GSAP: variants seen among roughly 807,000 people sequenced by gnomAD.
The protein encoded by GSAP is gamma-secretase activating protein.
GSAP carries 118 observed loss-of-function variants against 131.7 expected under a neutral mutation model. The observed-to-expected ratio is 0.90, with a 90% CI of 0.77 to 1.04. GSAP has a LOEUF of 1.04. GSAP is among the 50% of genes least tolerant of loss of function. The pLI, the probability that GSAP is intolerant of heterozygous loss-of-function variation, is 0.00. For missense variants in GSAP, 1,019 were observed against 1,013.2 expected, an observed-to-expected ratio of 1.01 and a Z score of -0.08; for synonymous variants, 381 against 363.4, an observed-to-expected ratio of 1.05 and a Z score of -0.55.
chr7:77,368,600 G>A (rs966498183), intron 12 of GSAP, among the ~76,000 whole-genome samples: 2 of 152,188 alleles, frequency 1.3e-5, no homozygotes, highest in Admixed American at 6.5e-5. Flanking sequence ...TGATTCTAAC[G>A]TGAACCCAGA....
At chr7:77,365,817 C>T (rs1795199338) in intron 12 of GSAP, among the ~76,000 whole-genome samples, 1 of 151,886 alleles carries the variant, frequency 6.6e-6, no homozygotes, top group African/African-American at 2.4e-5. Flanking sequence ...TACTGCTTTC[C>T]ACAATGGTAG....
intron 18 of GSAP, chr7:77,351,192 T>C (rs1339153065): frequency 1.9e-5 from 19 of 983,374 alleles, no homozygotes; most frequent in African/African-American, 5.2e-5. Context: ...TAAGAATCTA[T>C]TGTGTGCTTC....
chr7:77,405,184 G>A (rs1802052442), intron 2 of GSAP, among the ~76,000 whole-genome samples: 1 of 152,182 alleles, frequency 6.6e-6, no homozygotes, highest in Admixed American at 6.5e-5. Context: ...CCTAGCTACT[G>A]GGGAGGTTGA....
chr7:77,366,764 A>G (rs905257982), intron 12 of GSAP, among the ~76,000 whole-genome samples: 5 of 152,136 alleles, frequency 3.3e-5, no homozygotes, highest in African/African-American at 1.2e-4. Context: ...AGTTCTGTGA[A>G]GAATATTGAT....
chr7:77,321,524 C>T (rs1787643620), intron 24 of GSAP, 121 bp from the exon 25 acceptor site: 3 of 690,852 alleles, frequency 4.3e-6, no homozygotes, highest in Admixed American at 2.2e-5. Flanking sequence ...TGCATCCAGA[C>T]ACACAACTAG....
intron 5 of GSAP, among the ~76,000 whole-genome samples, chr7:77,389,994 T>C (rs1799215593): frequency 6.6e-6 from 1 of 152,240 alleles, no homozygotes; most frequent in Admixed American, 6.5e-5. Flanking sequence ...TGTGAGATAG[T>C]ATCTCATTGT....
At chr7:77,339,641 A>G (rs1368625647) in intron 19 of GSAP, among the ~76,000 whole-genome samples, 1 of 149,694 alleles carries the variant, frequency 6.7e-6, no homozygotes. Context: ...GGTAGAGGAG[A>G]AAAACGTGAG....
At chr7:77,316,002 CAGAGGTTGAATGCTGAATGAT>C (rs1442962515) in intron 26 of GSAP, 1 of 152,138 alleles carries the variant, frequency 6.6e-6, no homozygotes, top group Non-Finnish European at 1.5e-5. Context: ...GTGCAGGTGA[CAGAGGTTGAATGCTGAATGAT>C]AGAGATTTAT....
chr7:77,328,500 A>G (rs2150668807), intron 22 of GSAP, 106 bp downstream of exon 22: 2 of 1,505,476 alleles, frequency 1.3e-6, no homozygotes, highest in South Asian at 1.4e-5. Context: ...CCTGCACCAC[A>G]CTACTGGAAG....
At chr7:77,342,256 T>G (rs1791075578) in intron 19 of GSAP, among the ~76,000 whole-genome samples, 1 of 152,194 alleles carries the variant, frequency 6.6e-6, no homozygotes, top group South Asian at 2.1e-4. Context: ...GTCTGCCCCC[T>G]TCTTAATCAA....
Position 77,330,581 on chromosome 7 carries a change from T to C in GSAP, c.1546-214A>G. ...CACTTCATTTTCTGTCTCTTTTTTT[T>C]TTTTTTTTTTTTGTCGTTGTTTTTT... On this transcript the variant is annotated intron_variant, in intron 19 of 30. Coordinates refer to ENST00000257626, the MANE Select transcript of GSAP (RefSeq NM_017439.4). The C allele has an allele frequency of 2.7e-6, 3 of 1,098,486 alleles. No individual in the cohort carries two copies. In the South Asian group the frequency reaches 9.9e-5, roughly 36 times the overall value. The allele number at this position is 1,098,486 out of a possible 1,614,324, so 68.0% of individuals were successfully genotyped here. A position where few individuals can be genotyped will look rare whatever the true frequency, so the allele number is the denominator to read the frequency against.
Position 77,352,042 on chromosome 7 carries a change from C to T in GSAP, c.1491+902G>A, listed in dbSNP as rs553178527. Among the ~76,000 whole-genome samples, 42 of 152,196 alleles carry T rather than the reference C, an allele frequency of 2.8e-4. 1 individual carries two copies. The South Asian group carries it at 5.0e-3, about 18-fold the overall frequency. ...GTGGGGCATAAAAGTCTAATAACCA[C>T]GACAGTAAAAGACAAAGAAAAGGCC... On this transcript the variant is annotated intron_variant, in intron 18 of 30. Coordinates refer to ENST00000257626, the MANE Select transcript of GSAP (RefSeq NM_017439.4).
At chr7:77,343,294 C>CT (rs1373106683) in intron 19 of GSAP, among the ~76,000 whole-genome samples, 5 of 152,308 alleles carry the variant, frequency 3.3e-5, no homozygotes, top group Non-Finnish European at 5.9e-5. Context: ...GACGCATATA[C>CT]TTTCTGCCCC....
At chr7:77,324,826 CTTT>C (rs150930764) in intron 23 of GSAP, among the ~76,000 whole-genome samples, 12 of 97,306 alleles carry the variant, frequency 1.2e-4, no homozygotes, top group Non-Finnish European at 1.6e-4. Context: ...GTTTGCCATA[CTTT>C]TTTTTTTTTT....
chr7:77,329,316 C>G lies in GSAP; in HGVS notation c.1733+17G>C. The stretch of plus-strand genomic sequence containing the variant: ...GTCAACCATCTTACAGATATGATAA[C>G]CTCTGCTTTCACTTACTTTACTGCA... On this transcript the variant is annotated intron_variant, in intron 21 of 30. Transcript: ENST00000257626. 7.0e-7 allele frequency: 1 copy of G among 1,420,472 alleles called. No homozygotes were observed. The highest frequency in any genetic ancestry group is 1.3e-5 in the South Asian group (1 of 75,580). 88.0% of individuals were successfully genotyped at this position (1,420,472 alleles called of 1,614,324 possible).
At chr7:77,389,248 G>A (rs186530681) in intron 5 of GSAP, among the ~76,000 whole-genome samples, 6 of 150,794 alleles carry the variant, frequency 4.0e-5, no homozygotes, top group Non-Finnish European at 3.0e-5. Flanking sequence ...ATGTGTGTGT[G>A]TATATATATA....
At chr7:77,352,877 G>A (rs2150852009) in intron 18 of GSAP, 67 bp downstream of exon 18, 1 of 899,596 alleles carries the variant, frequency 1.1e-6, no homozygotes, top group Non-Finnish European at 1.8e-6. Flanking sequence ...TAAGAGAGGT[G>A]TCCAACAACT....
intron 18 of GSAP, chr7:77,351,718 C>A (rs747911574): frequency 1.4e-4 from 136 of 985,704 alleles, no homozygotes; most frequent in Non-Finnish European, 1.6e-4. Context: ...GAAGCGTTAC[C>A]CTCAGGGTGA....
chr7:77,372,306 A>C (rs969034927), intron 12 of GSAP, among the ~76,000 whole-genome samples: 2 of 152,256 alleles, frequency 1.3e-5, no homozygotes, highest in Non-Finnish European at 2.9e-5. Flanking sequence ...ATGCAAGACT[A>C]TGAAGATTTA....
Sources: gnomAD v4.1 joint callset for allele counts (sites outside exome capture counted in the v4.1 genomes callset) on GRCh38, gnomAD v4.1.1 for gene constraint, MANE v1.5 for transcripts, NCBI Gene and HGNC (gene_info 2026-07-23, HGNC 2026-07-21) for gene names.